Variants in PCDHGA3 observed in about 807,000 individuals in gnomAD.
PCDHGA3 encodes protocadherin gamma-A3.
A neutral mutation model predicts 58.5 loss-of-function variants in PCDHGA3; 40 were observed. The ratio of observed to expected loss-of-function variants is 0.68; its 90% confidence interval spans 0.53 to 0.89. The LOEUF is 0.89. Among genes scored for constraint, PCDHGA3 ranks in the 40% least tolerant of loss-of-function variants. The probability of loss-of-function intolerance (pLI) is 0.00; values close to 1 mark genes in which losing one functional copy is unlikely to be tolerated. For missense variants in PCDHGA3, 1,223 were observed against 1,195.9 expected (o/e 1.02, Z -0.33); for synonymous variants, 530 against 525.7 (o/e 1.01, Z -0.11).
rs1386904017 is a variant in PCDHGA3 at position 141,476,642 on chromosome 5, CG to C, written c.2425-18164del. On this transcript the variant is annotated intron_variant, in intron 1 of 3. Coordinates refer to ENST00000253812, the MANE Select transcript of PCDHGA3 (RefSeq NM_018916.4). The surrounding 1 kb of genome is among the most constrained non-coding windows in gnomAD (Gnocchi z 7.6). ...CTCTTTACAAACCTATGAGCTGAGC[CG>C]AAATGAATACTTTGCGCTTCGCGTG... The C allele has an allele frequency of 2.5e-6, 4 of 1,614,240 alleles. No homozygotes were observed.
At position 141,422,383 on chromosome 5, in the gene PCDHGA3, T is replaced by C. The variant is rs201301291; in HGVS notation, c.2425-72424T>C. On this transcript the variant is annotated intron_variant, in intron 1 of 3. Transcript: ENST00000253812. ...TGGAGAAAATGGTCAAGTCTCCTGT[T>C]TTATTCCTAACCACCTGCCTTTTAA... 554 of 1,586,008 alleles carry C rather than the reference T, an allele frequency of 3.5e-4. 2 individuals are homozygous for C. The African/African-American group carries it at 6.9e-3, about 20-fold the overall frequency.
intron 1 of PCDHGA3, chr5:141,384,020 G>C: frequency 6.2e-7 from 1 of 1,613,730 alleles, no homozygotes; most frequent in Non-Finnish European, 8.5e-7. Context: ...CTACAAGACA[G>C]AGATTCTGGA....
At chr5:141,360,191 C>A (rs764540512) in intron 1 of PCDHGA3, 3 of 1,611,710 alleles carry the variant, frequency 1.9e-6, no homozygotes, top group East Asian at 2.2e-5. Context: ...GTACTGTTGC[C>A]CTTCCTGTTG....
At chr5:141,420,024 C>T (rs2096459407) in intron 1 of PCDHGA3, 1 of 1,614,088 alleles carries the variant, frequency 6.2e-7, no homozygotes, top group Non-Finnish European at 8.5e-7. Context: ...TTCAGCCCTA[C>T]TGCAGGAGAC....
At chr5:141,373,974 C>G in intron 1 of PCDHGA3, 2 of 1,051,508 alleles carry the variant, frequency 1.9e-6, no homozygotes, top group Non-Finnish European at 2.6e-6. Flanking sequence ...CGCTTCGCAT[C>G]CGGTCTCTGC....
intron 1 of PCDHGA3, among the ~76,000 whole-genome samples, chr5:141,454,420 T>C (rs889393211): frequency 6.6e-6 from 1 of 152,218 alleles, no homozygotes; most frequent in African/African-American, 2.4e-5. Context: ...TATTTATTTA[T>C]TTAGAGACAG....
chr5:141,376,474 A>G, intron 1 of PCDHGA3: 5 of 1,614,136 alleles, frequency 3.1e-6, no homozygotes, highest in Non-Finnish European at 3.4e-6. Context: ...CTCAGGATTT[A>G]CTTGAAACGA....
chr5:141,436,118 T>C (rs188307595), intron 1 of PCDHGA3, among the ~76,000 whole-genome samples: 5 of 152,310 alleles, frequency 3.3e-5, no homozygotes, highest in Admixed American at 2.0e-4. Flanking sequence ...ATGAAACCTC[T>C]CTCCTCCATC....
chr5:141,394,316 G>C (rs779061595), intron 1 of PCDHGA3: 1 of 1,613,976 alleles, frequency 6.2e-7, no homozygotes, highest in African/African-American at 1.3e-5. Context: ...GGGCGCCCCT[G>C]TCCTCGTATA....
intron 1 of PCDHGA3, among the ~76,000 whole-genome samples, chr5:141,449,594 A>T (rs2098647409): frequency 6.6e-6 from 1 of 150,814 alleles, no homozygotes; most frequent in Non-Finnish European, 1.5e-5. Context: ...GTCTCAAAAA[A>T]AAAAAAAAAA....
chr5:141,420,401 A>G, intron 1 of PCDHGA3: 1 of 1,249,172 alleles, frequency 8.0e-7, no homozygotes. Flanking sequence ...GGTCAAATTT[A>G]TGGTTATCAT....
At position 141,487,780 on chromosome 5, in the gene PCDHGA3, C is replaced by T. The variant is rs1423149; in HGVS notation, c.2425-7027C>T. On this transcript the variant is annotated intron_variant, in intron 1 of 3. Transcript: ENST00000253812. The surrounding 1 kb of genome is among the most constrained non-coding windows in gnomAD (Gnocchi z 5.0). ...TAGACGCTGTGCTTTGTAACTGTTT[C>T]GTGAATTAACCAGAGTTGTCACAGT... 0.06 allele frequency: 91,434 copies of T among 1,526,176 alleles called. 5,728 individuals carry two copies. Among genetic ancestry groups the T allele is most frequent in the African/African-American group, 0.33 (23,789 of 72,466 alleles). The allele number at this position is 1,526,176 out of a possible 1,614,324, so 94.5% of individuals were successfully genotyped here. A position where few individuals can be genotyped will look rare whatever the true frequency, so the allele number is the denominator to read the frequency against.
At chr5:141,472,980 C>CAA (rs60579131) in intron 1 of PCDHGA3, among the ~76,000 whole-genome samples, 188 of 86,094 alleles carry the variant, frequency 2.2e-3, no homozygotes, top group Non-Finnish European at 3.2e-3. Flanking sequence ...GAGTGAAACT[C>CAA]AAAAAAAAAA....
chr5:141,423,887 T>C, intron 1 of PCDHGA3: 2 of 1,282,240 alleles, frequency 1.6e-6, no homozygotes, highest in Non-Finnish European at 2.0e-6. Context: ...CTTGGCATAT[T>C]TTCTTTTGAT....
At chr5:141,400,681 T>A in intron 1 of PCDHGA3, 1 of 834,118 alleles carries the variant, frequency 1.2e-6, no homozygotes, top group Non-Finnish European at 1.9e-6. Context: ...CAGTAAATTG[T>A]GAGTTTTTAT....
rs1369955498 is a variant in PCDHGA3, at chr5:141,344,576, T to C, written c.543T>C (p.Ala181=). 6.2e-7 allele frequency: 1 copy of C among 1,613,990 alleles called. No homozygotes were observed. The highest frequency in any genetic ancestry group is 1.1e-5 in the South Asian group (1 of 91,078). The change falls in exon 1 of 4, where the codon GCT becomes GCC. Residue 181 remains alanine (A), a synonymous_variant. Coordinates refer to ENST00000253812, the MANE Select transcript of PCDHGA3 (RefSeq NM_018916.4). ...GCCCCAATGACTACTTCTCTCTGGCTGTGAATAGCGTCTCTGAGGGGGCCA... is the reference window on the plus strand; with the variant it reads ...GCCCCAATGACTACTTCTCTCTGGCCGTGAATAGCGTCTCTGAGGGGGCCA... ...KLSPNDYFSL[A]VNSVSEGAKY... is the part of the protein sequence containing the mutation.
intron 1 of PCDHGA3, among the ~76,000 whole-genome samples, chr5:141,437,411 T>C (rs1014219268): frequency 1.1e-4 from 17 of 152,222 alleles, no homozygotes; most frequent in African/African-American, 4.1e-4. Flanking sequence ...TCCAGAAGTA[T>C]TATGCTTTTT....
At chr5:141,402,799 C>G in intron 1 of PCDHGA3, 1 of 1,061,846 alleles carries the variant, frequency 9.4e-7, no homozygotes, top group Non-Finnish European at 1.3e-6. Flanking sequence ...TACACAAAAC[C>G]CGGCAGATAC....
In PCDHGA3 at chr5:141,430,843, C is replaced by T. The variant is rs1370427603; in HGVS notation, c.2425-63964C>T. 2.6e-6 allele frequency: 4 copies of T among 1,568,356 alleles called. No homozygotes were observed. The African/African-American group carries it at 4.1e-5, about 16-fold the overall frequency. On this transcript the variant is annotated intron_variant, in intron 1 of 3. Coordinates refer to ENST00000253812, the MANE Select transcript of PCDHGA3 (RefSeq NM_018916.4). ...TGGGGACTCTGTGGGAGACCGGATG[C>T]ACCCAGATACGCTATTCAGTTCCGG...
Sources: allele counts gnomAD v4.1 joint callset (sites outside exome capture counted in the v4.1 genomes callset), GRCh38; gene constraint gnomAD v4.1.1; non-coding constraint Gnocchi (gnomAD v3.1); transcripts MANE v1.5; gene names NCBI Gene and HGNC (gene_info 2026-07-23, HGNC 2026-07-21).